The following VPS13B variants were observed in gnomAD, a reference collection of about 807,000 sequenced individuals.
VPS13B encodes the protein vacuolar protein sorting 13 homolog B, also known as intermembrane lipid transfer protein VPS13B.
Under a neutral mutation model 426.4 loss-of-function variants are expected in VPS13B, and 285 were observed. The observed-to-expected ratio is 0.67, with a 90% CI of 0.61 to 0.74. The LOEUF (loss-of-function observed/expected upper bound fraction) is 0.74. VPS13B is among the 30% of genes least tolerant of loss of function. The pLI is 0.00. For synonymous variants in VPS13B, 1,676 were observed against 1,676.4 expected, an observed-to-expected ratio of 1.00 and a Z score of 0.01; for missense variants, 4,537 against 4,782.6, an observed-to-expected ratio of 0.95 and a Z score of 1.51.
intron 22 of VPS13B, among the ~76,000 whole-genome samples, chr8:99,441,139 T>C (rs1467328843): frequency 6.6e-6 from 1 of 152,128 alleles, no homozygotes; most frequent in East Asian, 1.9e-4. Flanking sequence ...GAGCTCATGC[T>C]TCACAAACCA....
At chr8:99,140,202 T>TA (rs1442027401) in intron 12 of VPS13B, among the ~76,000 whole-genome samples, 2 of 151,532 alleles carry the variant, frequency 1.3e-5, no homozygotes, top group African/African-American at 4.8e-5. Context: ...CCTTCTCTAC[T>TA]AAAAATACAA....
At chr8:99,609,653 CTTAT>C (rs1451950593) in intron 33 of VPS13B, among the ~76,000 whole-genome samples, 1 of 152,118 alleles carries the variant, frequency 6.6e-6, no homozygotes, top group Non-Finnish European at 1.5e-5. Context: ...GCAAAAATGT[CTTAT>C]GTGTACTTCC....
chr8:99,781,972 A>G (rs1294776907), intron 42 of VPS13B, among the ~76,000 whole-genome samples: 2 of 152,188 alleles, frequency 1.3e-5, no homozygotes, highest in African/African-American at 4.8e-5. Flanking sequence ...AACTAATTAC[A>G]TACTATGATT....
chr8:99,459,012 G>C (rs1818686397), intron 23 of VPS13B, among the ~76,000 whole-genome samples: 1 of 152,092 alleles, frequency 6.6e-6, no homozygotes, highest in African/African-American at 2.4e-5. Flanking sequence ...TGTCCTGAAT[G>C]GTATTGCCTA....
chr8:99,832,767 T>C (rs746996729), intron 52 of VPS13B, 115 bp downstream of exon 52: 41 of 1,021,336 alleles, frequency 4.0e-5, no homozygotes, highest in Middle Eastern at 3.1e-4. Context: ...TATTAGGCTT[T>C]ATTTTTAATT....
chr8:99,160,838 T>C (rs1811611571), intron 15 of VPS13B, among the ~76,000 whole-genome samples: 1 of 152,174 alleles, frequency 6.6e-6, no homozygotes, highest in Admixed American at 6.5e-5. Context: ...TTAGATCACC[T>C]GCAGGTGTAT....
rs756599409 is a variant in VPS13B at position 99,284,720 on chromosome 8, T to TTGTGTGTGTGTGTG, written c.2824+9470_2824+9483dup. On this transcript the variant is annotated intron_variant, in intron 19 of 61. Coordinates refer to ENST00000357162, the MANE Select transcript of VPS13B (RefSeq NM_152564.5). Reference sequence around the variant, plus strand: ...CATGAGCTGCCACACCTGGCTAAATTTGTGTGTGTGTGTGTGTTTTTGTAG... The same window carrying TTGTGTGTGTGTGTG: ...CATGAGCTGCCACACCTGGCTAAATTTGTGTGTGTGTGTGTGTGTGTGTGTGTGTGTTTTTGTAG... Among the ~76,000 whole-genome samples the TTGTGTGTGTGTGTG allele has an allele frequency of 2.3e-3, 122 of 53,704 alleles. 1 individual carries two copies. The highest frequency in any genetic ancestry group is 7.0e-3 in the African/African-American group (108 of 15,360). The allele number at this position is 53,704 out of a possible 152,430, so 35.2% of individuals were successfully genotyped here.
At position 99,138,768 on chromosome 8, in the gene VPS13B, G is replaced by A. The variant is rs73699969; in HGVS notation, c.1651+2016G>A. On this transcript the variant is annotated intron_variant, in intron 12 of 61. Transcript: ENST00000357162. ...TAGCATTGCAAATTATTGTAGTGTT[G>A]TAGTTGCCACTTGTAAACTGGTAGG... 1.5e-3 allele frequency among the ~76,000 whole-genome samples: 234 copies of A among 152,326 alleles called. 1 individual carries two copies. Among genetic ancestry groups the A allele is most frequent in the African/African-American group, 5.5e-3 (227 of 41,576 alleles).
intron 17 of VPS13B, chr8:99,241,340 C>T (rs139013083): frequency 7.2e-5 from 11 of 152,216 alleles, no homozygotes; most frequent in African/African-American, 2.6e-4. Context: ...GTTGTTATGA[C>T]TATATCATTA....
intron 17 of VPS13B, among the ~76,000 whole-genome samples, chr8:99,215,087 T>A (rs1815311458): frequency 6.6e-6 from 1 of 152,184 alleles, no homozygotes; most frequent in Non-Finnish European, 1.5e-5. Flanking sequence ...CATGTCTGAT[T>A]TTTTTCCCTG....
chr8:99,533,057 A>C (rs574930027), intron 30 of VPS13B, among the ~76,000 whole-genome samples: 1 of 149,892 alleles, frequency 6.7e-6, no homozygotes, highest in Admixed American at 6.7e-5. Flanking sequence ...CTCCTCCCTC[A>C]GCCTCCCAGG....
intron 2 of VPS13B, among the ~76,000 whole-genome samples, chr8:99,021,172 G>A (rs755718668): frequency 6.6e-6 from 1 of 152,192 alleles, no homozygotes; most frequent in Non-Finnish European, 1.5e-5. Context: ...AAAACAGAAG[G>A]ATTAAGTAGC....
Position 99,848,779 on chromosome 8 carries a change from G to C in VPS13B, c.9946G>C (p.Val3316Leu). 6.2e-7 allele frequency: 1 copy of C among 1,613,962 alleles called. No homozygotes were observed. Among genetic ancestry groups the C allele is most frequent in the South Asian group, 1.1e-5 (1 of 91,078 alleles). The change falls in exon 55 of 62, where the codon GTG (valine) becomes CTG (leucine). Residue 3316 changes from valine (V) to leucine (L), a missense_variant. Val to Leu is a conservative substitution (Grantham distance 32, BLOSUM62 1). This residue lies in a region of VPS13B where 4,311 missense variants were observed against 4,474.3 expected (regional missense o/e 0.96). Coordinates refer to ENST00000357162, the MANE Select transcript of VPS13B (RefSeq NM_152564.5). Reference sequence around the variant, plus strand: ...ATTTTGAATATTCTTTCTGCAGGTTGTGTTCCTGACTGGCTTTGGCTATGT... The same window carrying C: ...ATTTTGAATATTCTTTCTGCAGGTTCTGTTCCTGACTGGCTTTGGCTATGT... ...IDINSQGTQV[V>L]FLTGFGYVYV...
At chr8:99,391,827 T>G (rs569549048) in intron 21 of VPS13B, 123 bp downstream of exon 21, 1 of 1,277,862 alleles carries the variant, frequency 7.8e-7, no homozygotes, top group South Asian at 1.3e-5. Flanking sequence ...GACAAAGAAC[T>G]TTATTATCCA....
intron 23 of VPS13B, among the ~76,000 whole-genome samples, chr8:99,448,922 C>T (rs1206414733): frequency 6.6e-6 from 1 of 152,180 alleles, no homozygotes; most frequent in Non-Finnish European, 1.5e-5. Context: ...ATCCATTCCA[C>T]CTCCTATTAT....
At chr8:99,350,926 T>TAAC (rs1224730106) in intron 19 of VPS13B, among the ~76,000 whole-genome samples, 2 of 151,946 alleles carry the variant, frequency 1.3e-5, no homozygotes, top group Middle Eastern at 6.4e-3. Context: ...TACCTTGAAA[T>TAAC]TAATTTTAGT....
At chr8:99,781,824 C>A (rs566770031) in intron 42 of VPS13B, among the ~76,000 whole-genome samples, 2 of 152,188 alleles carry the variant, frequency 1.3e-5, no homozygotes, top group South Asian at 4.1e-4. Context: ...ATTTTAATCT[C>A]AGGATGTGTA....
At chr8:99,707,120 A>G (rs1175169485) in intron 36 of VPS13B, among the ~76,000 whole-genome samples, 2 of 152,168 alleles carry the variant, frequency 1.3e-5, no homozygotes, top group African/African-American at 4.8e-5. Context: ...TGTATTTACA[A>G]CCCAGTTACC....
At chr8:99,602,648 C>T (rs926204151) in intron 33 of VPS13B, among the ~76,000 whole-genome samples, 1 of 152,166 alleles carries the variant, frequency 6.6e-6, no homozygotes, top group Non-Finnish European at 1.5e-5. Context: ...TGTCTCAGCC[C>T]AAAATCTCCT....
Sources: allele counts gnomAD v4.1 joint callset (sites outside exome capture counted in the v4.1 genomes callset), GRCh38; gene constraint gnomAD v4.1.1; regional missense constraint gnomAD v4.1.1; transcripts MANE v1.5; gene names NCBI Gene and HGNC (gene_info 2026-07-23, HGNC 2026-07-21).